LYG1: variants seen among roughly 807,000 people sequenced by gnomAD.
The protein encoded by LYG1 is lysozyme g-like protein 1.
Under a neutral mutation model 21.7 loss-of-function variants are expected in LYG1, and 17 were observed. That is an observed-to-expected ratio of 0.78 (90% CI 0.54 to 1.18). LYG1 has a LOEUF of 1.18. Ranked by LOEUF, LYG1 falls within the 50% of genes most tolerant of loss-of-function variation. LYG1 has a pLI of 0.00. For synonymous variants in LYG1, 81 were observed against 87.4 expected (o/e 0.93, Z 0.41); for missense variants, 211 against 238.1 (o/e 0.89, Z 0.75).
intron 3 of LYG1, 113 bp from the exon 4 acceptor site, chr2:99,292,753 C>T: frequency 1.5e-6 from 1 of 675,134 alleles, no homozygotes; most frequent in Non-Finnish European, 2.6e-6. Context: ...ATTACATCAC[C>T]TTCACTCTGC....
chr2:99,291,117 G>T, intron 5 of LYG1, 120 bp downstream of exon 5: 1 of 901,970 alleles, frequency 1.1e-6, no homozygotes, highest in Non-Finnish European at 1.7e-6. Flanking sequence ...AACTGTCACT[G>T]TCACAGCTCT....
At chr2:99,299,865 G>A (rs1010325230) in intron 1 of LYG1, among the ~76,000 whole-genome samples, 13 of 148,400 alleles carry the variant, frequency 8.8e-5, no homozygotes, top group East Asian at 3.9e-4. Context: ...GCATCATGTC[G>A]TACTCATCCT....
Position 99,295,703 on chromosome 2 carries a change from C to G in LYG1, c.-32-1G>C. 6.2e-7 allele frequency: 1 copy of G among 1,613,904 alleles called. No individual in the cohort carries two copies. Among genetic ancestry groups the G allele is most frequent in the Middle Eastern group, 1.6e-4 (1 of 6,062 alleles). On this transcript the variant is annotated splice_acceptor_variant, in intron 2 of 6. Coordinates refer to ENST00000308528, the MANE Select transcript of LYG1 (RefSeq NM_174898.3). LOFTEE classifies it low-confidence loss of function (5UTR_SPLICE). ...ATCTGGCTCTACGGCTCCTGAAACA[C>G]TTTTAAAACAAAAATTAGCTTGAGA...
At chr2:99,294,354 G>A (rs2094129997) in intron 3 of LYG1, among the ~76,000 whole-genome samples, 1 of 152,042 alleles carries the variant, frequency 6.6e-6, no homozygotes, top group Non-Finnish European at 1.5e-5. Context: ...GCATTTTCAG[G>A]TTCTACTTTC....
chr2:99,293,931 T>C (rs985953875), intron 3 of LYG1, among the ~76,000 whole-genome samples: 2 of 152,016 alleles, frequency 1.3e-5, no homozygotes, highest in African/African-American at 4.8e-5. Context: ...ATTAATTAAT[T>C]AATTTATCTA....
intron 5 of LYG1, among the ~76,000 whole-genome samples, chr2:99,287,490 G>A (rs7567230): frequency 0.83 from 126,348 of 152,102 alleles, 53,070 homozygotes; most frequent in Middle Eastern, 0.97. Context: ...ACGTTTACCT[G>A]TGGAACAAAC....
At chr2:99,290,779 A>C (rs148718771) in intron 5 of LYG1, among the ~76,000 whole-genome samples, 1,653 of 152,348 alleles carry the variant, frequency 0.011, 8 homozygotes, top group Middle Eastern at 0.024. Flanking sequence ...GTAAAGGAAA[A>C]TAAATTTAAC....
intron 1 of LYG1, among the ~76,000 whole-genome samples, chr2:99,299,328 C>G (rs1426929905): frequency 6.7e-6 from 1 of 149,564 alleles, no homozygotes; most frequent in Non-Finnish European, 1.5e-5. Flanking sequence ...ACTCTGTCTC[C>G]CAGGTGGGAG....
At chr2:99,303,100 T>G (rs1188189981), upstream of LYG1, among the ~76,000 whole-genome samples, 3 of 151,122 alleles carry the variant, frequency 2.0e-5, no homozygotes, top group African/African-American at 7.3e-5. Context: ...TGAGCAAGGG[T>G]CCAGATTTGG....
intron 3 of LYG1, among the ~76,000 whole-genome samples, chr2:99,292,875 A>G (rs985719319): frequency 9.2e-5 from 14 of 151,752 alleles, no homozygotes; most frequent in Non-Finnish European, 2.1e-4. Flanking sequence ...TACTGGAGCT[A>G]TTGAAGCAGT....
At chr2:99,298,183 T>C (rs1269449908) in intron 2 of LYG1, among the ~76,000 whole-genome samples, 2 of 152,228 alleles carry the variant, frequency 1.3e-5, no homozygotes, top group East Asian at 3.8e-4. Flanking sequence ...CAGTTCCCTA[T>C]GACTCATTTG....
chr2:99,302,991 T>G (rs2094158924), upstream of LYG1, among the ~76,000 whole-genome samples: 1 of 148,764 alleles, frequency 6.7e-6, no homozygotes, highest in Non-Finnish European at 1.5e-5. Context: ...TACTCCAGCC[T>G]GGGCCACAGA....
At chr2:99,288,531 T>C (rs1282745818) in intron 5 of LYG1, among the ~76,000 whole-genome samples, 1 of 148,874 alleles carries the variant, frequency 6.7e-6, no homozygotes, top group Non-Finnish European at 1.5e-5. Context: ...TGTGTCTCTC[T>C]TTTTCTACAT....
At chr2:99,288,022 A>G (rs1261193551) in intron 5 of LYG1, among the ~76,000 whole-genome samples, 3 of 151,982 alleles carry the variant, frequency 2.0e-5, no homozygotes, top group Non-Finnish European at 4.4e-5. Context: ...TTTTTCTTCT[A>G]TATCTTTGCT....
At chr2:99,288,345 CTT>C (rs2094107807) in intron 5 of LYG1, among the ~76,000 whole-genome samples, 1 of 152,078 alleles carries the variant, frequency 6.6e-6, no homozygotes, top group African/African-American at 2.4e-5. Flanking sequence ...TTACTTCAAA[CTT>C]TTGCATATTC....
intron 1 of LYG1, 54 bp from the exon 2 acceptor site, chr2:99,298,603 A>G (rs1272636227): frequency 6.6e-6 from 1 of 152,206 alleles, no homozygotes; most frequent in Non-Finnish European, 1.5e-5. Flanking sequence ...CACCTTAGAA[A>G]CTTTTCCATG....
intron 3 of LYG1, among the ~76,000 whole-genome samples, chr2:99,294,238 A>G (rs1280347643): frequency 6.6e-6 from 1 of 152,174 alleles, no homozygotes; most frequent in African/African-American, 2.4e-5. Context: ...AATCTATTTG[A>G]TCCTTTGACT....
At chr2:99,299,779 T>C (rs7566277) in intron 1 of LYG1, among the ~76,000 whole-genome samples, 29,561 of 151,550 alleles carry the variant, frequency 0.2, 3,015 homozygotes, top group East Asian at 0.26. Context: ...TTTGTTTTTT[T>C]AAAATTTTTA....
At chr2:99,290,054 C>T (rs1453543941) in intron 5 of LYG1, among the ~76,000 whole-genome samples, 3 of 152,128 alleles carry the variant, frequency 2.0e-5, no homozygotes, top group African/African-American at 7.2e-5. Context: ...GATGGGGTTT[C>T]ACCATGTTGG....
Sources: allele counts gnomAD v4.1 joint callset (sites outside exome capture counted in the v4.1 genomes callset), GRCh38; gene constraint gnomAD v4.1.1; transcripts MANE v1.5; gene names NCBI Gene and HGNC (gene_info 2026-07-23, HGNC 2026-07-21).